CLVS1: variants seen among roughly 807,000 people sequenced by gnomAD.
The protein encoded by CLVS1 is clavesin 1, also known as clavesin-1.
A neutral mutation model predicts 33.1 loss-of-function variants in CLVS1; 10 were observed. The ratio of observed to expected loss-of-function variants is 0.30; its 90% CI spans 0.19 to 0.51. The LOEUF (loss-of-function observed/expected upper bound fraction) is 0.51, where lower values mean the gene tolerates loss of function less well. Among genes scored for constraint, CLVS1 ranks in the 20% least tolerant of loss-of-function variants. CLVS1 has a pLI of 0.97. For missense variants in CLVS1, 343 were observed against 433.4 expected (o/e 0.79, Z 1.85); for synonymous variants, 163 against 166.1 (o/e 0.98, Z 0.14).
chr8:61,036,703 G>A, the CLVS1 span, among the ~76,000 whole-genome samples: 3 of 152,316 alleles, frequency 2.0e-5, no homozygotes, highest in East Asian at 3.9e-4. Flanking sequence ...AGCAAGACAC[G>A]GATCCCTCTA....
intron 3 of CLVS1, among the ~76,000 whole-genome samples, chr8:61,406,839 G>A (rs370955755): frequency 2.6e-5 from 4 of 152,050 alleles, no homozygotes; most frequent in South Asian, 4.1e-4. Context: ...AAACTCCTGC[G>A]CTCAGGCAAT....
chr8:61,307,865 A>T (rs916851198), intron 2 of CLVS1, among the ~76,000 whole-genome samples: 3 of 152,106 alleles, frequency 2.0e-5, no homozygotes, highest in African/African-American at 7.2e-5. Flanking sequence ...TGGAGTCTCC[A>T]ATGTCTATTA....
At chr8:61,079,222 T>C (rs945766886) in intron 1 of CLVS1, among the ~76,000 whole-genome samples, 1 of 152,222 alleles carries the variant, frequency 6.6e-6, no homozygotes, top group Non-Finnish European at 1.5e-5. Flanking sequence ...CAAAACCTTT[T>C]GTTTTTACTC....
In CLVS1 at chr8:61,402,528, C is replaced by T. The variant is rs111746835; in HGVS notation, c.630+25749C>T. On this transcript the variant is annotated intron_variant, in intron 3 of 5. Coordinates refer to ENST00000325897, the MANE Select transcript of CLVS1 (RefSeq NM_173519.3). ...TCACAATAAACCAAGTTTCACCAAC[C>T]GGTTAACGTACACACACGATTCAAT... Among the ~76,000 whole-genome samples, 752 of 152,112 alleles carry T rather than the reference C, an allele frequency of 4.9e-3. 4 individuals are homozygous for T. Among genetic ancestry groups the T allele is most frequent in the African/African-American group, 0.016 (682 of 41,488 alleles).
In CLVS1 at chr8:61,348,745, G is replaced by A. The variant is rs185635632; in HGVS notation, c.456-27860G>A. Among the ~76,000 whole-genome samples the A allele has an allele frequency of 3.9e-5, 6 of 152,224 alleles. No individual in the cohort carries two copies. In the East Asian group the frequency reaches 1.2e-3, roughly 29 times the overall value. On this transcript the variant is annotated intron_variant, in intron 2 of 5. Coordinates refer to ENST00000325897, the MANE Select transcript of CLVS1 (RefSeq NM_173519.3). ...TCCTTTGACTATATACCCAGAGATG[G>A]GATTGCTGGATCATGTGGTAGTTCC... is the stretch of plus-strand genomic sequence containing the variant.
chr8:61,316,128 G>A (rs1036092535), intron 2 of CLVS1, among the ~76,000 whole-genome samples: 8 of 151,964 alleles, frequency 5.3e-5, no homozygotes, highest in Admixed American at 1.3e-4. Context: ...CAGTCTATCC[G>A]TTTGACCCAG....
chr8:61,044,974 A>C, the CLVS1 span, among the ~76,000 whole-genome samples: 1 of 152,204 alleles, frequency 6.6e-6, no homozygotes, highest in Non-Finnish European at 1.5e-5. Flanking sequence ...AAAAGTACAA[A>C]CAACCAAACA....
chr8:61,243,094 A>G (rs1337844371), intron 2 of CLVS1, among the ~76,000 whole-genome samples: 1 of 152,170 alleles, frequency 6.6e-6, no homozygotes, highest in Non-Finnish European at 1.5e-5. Flanking sequence ...GGGTTCTGTC[A>G]TATTGCTCAG....
chr8:61,066,252 T>G (rs947080614), intron 1 of CLVS1, among the ~76,000 whole-genome samples: 20 of 152,210 alleles, frequency 1.3e-4, no homozygotes, highest in African/African-American at 3.9e-4. Context: ...TCCCAACACT[T>G]TGGGAGGCCA....
chr8:61,270,104 C>T (rs373923516), intron 2 of CLVS1, among the ~76,000 whole-genome samples: 1 of 152,104 alleles, frequency 6.6e-6, no homozygotes, highest in South Asian at 2.1e-4. Context: ...TTTTCAAAGG[C>T]AATGCTTCCA....
intron 2 of CLVS1, among the ~76,000 whole-genome samples, chr8:61,134,541 G>T (rs1230633299): frequency 6.6e-6 from 1 of 152,240 alleles, no homozygotes; most frequent in South Asian, 2.1e-4. Context: ...CAGGGAGTCA[G>T]CAGGGCCTTT....
At chr8:61,073,543 T>C (rs185110683) in intron 1 of CLVS1, among the ~76,000 whole-genome samples, 1 of 152,304 alleles carries the variant, frequency 6.6e-6, no homozygotes, top group African/African-American at 2.4e-5. Flanking sequence ...CCCATTTGCA[T>C]ACCTGTTCAT....
At chr8:61,399,340 T>C (rs1341556470) in intron 3 of CLVS1, among the ~76,000 whole-genome samples, 1 of 152,068 alleles carries the variant, frequency 6.6e-6, no homozygotes, top group East Asian at 1.9e-4. Context: ...TGTCTTCTTT[T>C]GAGAAGACAT....
intron 2 of CLVS1, among the ~76,000 whole-genome samples, chr8:61,308,605 C>T (rs995875006): frequency 6.6e-6 from 1 of 152,100 alleles, no homozygotes; most frequent in Non-Finnish European, 1.5e-5. Flanking sequence ...CTCTTCCGGG[C>T]ACTGTGATAA....
chr8:61,063,711 C>T (rs1479725185), intron 1 of CLVS1, among the ~76,000 whole-genome samples: 2 of 152,160 alleles, frequency 1.3e-5, no homozygotes, highest in African/African-American at 4.8e-5. Context: ...ATTTTTTGAG[C>T]TTTTTAATTG....
rs1295926033 is a variant in CLVS1, at chr8:61,500,480, T to TTCAA, written c.*942_*945dup. The TTCAA allele has an allele frequency of 2.6e-5, 4 of 152,358 alleles. No homozygotes were observed. Among genetic ancestry groups the TTCAA allele is most frequent in the East Asian group, 1.9e-4 (1 of 5,186 alleles). 9.4% of individuals were successfully genotyped at this position (152,358 alleles called of 1,614,324 possible). ...ATGGTTGTTGCTGAGAGGGTAAATA[T>TTCAA]TCAATCATGGAGCATGACCCATATG... On this transcript the variant is annotated 3_prime_UTR_variant, in exon 6 of 6. Transcript: ENST00000325897.
chr8:61,112,327 G>A (rs1392128057), intron 1 of CLVS1, among the ~76,000 whole-genome samples: 4 of 151,818 alleles, frequency 2.6e-5, no homozygotes, highest in East Asian at 1.9e-4. Context: ...ACTAATGTAC[G>A]CTACATTAAA....
At chr8:61,475,602 A>C (rs1214125314) in intron 5 of CLVS1, among the ~76,000 whole-genome samples, 6 of 152,100 alleles carry the variant, frequency 3.9e-5, no homozygotes, top group Non-Finnish European at 8.8e-5. Context: ...TTCTTTTGAG[A>C]AGTGTCTGTT....
intron 2 of CLVS1, among the ~76,000 whole-genome samples, chr8:61,152,384 C>T (rs1447441357): frequency 1.3e-5 from 2 of 152,160 alleles, no homozygotes; most frequent in Admixed American, 1.3e-4. Flanking sequence ...ACTGCTATAA[C>T]AAAATACCAC....
Sources: allele counts gnomAD v4.1 joint callset (sites outside exome capture counted in the v4.1 genomes callset), GRCh38; gene constraint gnomAD v4.1.1; transcripts MANE v1.5; gene names NCBI Gene and HGNC (gene_info 2026-07-23, HGNC 2026-07-21).